ARL14EP: variants seen among roughly 807,000 people sequenced by gnomAD.
ARL14EP encodes the protein ARF like GTPase 14 effector protein.
ARL14EP carries 12 observed loss-of-function variants against 23.1 expected under a neutral mutation model. The ratio of observed to expected loss-of-function variants is 0.52; its 90% CI spans 0.33 to 0.84. ARL14EP has a LOEUF of 0.84. Ranked by LOEUF, ARL14EP falls within the 40% of genes least tolerant of loss-of-function variation. The pLI is 0.02. For missense variants in ARL14EP, 253 were observed against 307.3 expected (o/e 0.82, Z 1.32); for synonymous variants, 97 against 102.0 (o/e 0.95, Z 0.29).
At chr11:30,327,943 TCTA>T (rs1165582625) in intron 1 of ARL14EP, 1 of 114,676 alleles carries the variant, frequency 8.7e-6, no homozygotes, top group African/African-American at 2.9e-5. Flanking sequence ...GCCACTGCAC[TCTA>T]GCCTGGGCGA....
At chr11:30,334,208 C>CTTTTTTTTTTTTTTTTTTTTTTTTTTTTT (rs36111177) in intron 3 of ARL14EP, among the ~76,000 whole-genome samples, 18 of 86,038 alleles carry the variant, frequency 2.1e-4, no homozygotes, top group South Asian at 9.6e-4. Flanking sequence ...GACCAGCCTT[C>CTTTTTTTTTTTTTTTTTTTTTTTTTTTTT]TTTTTTTTTT....
intron 2 of ARL14EP, among the ~76,000 whole-genome samples, chr11:30,332,282 A>G (rs1947291592): frequency 6.6e-6 from 1 of 150,930 alleles, no homozygotes; most frequent in Admixed American, 6.7e-5. Context: ...TGTAGTTCAT[A>G]CTAGATACTT....
At chr11:30,330,452 G>C (rs998950986) in intron 1 of ARL14EP, 1 of 156,010 alleles carries the variant, frequency 6.4e-6, no homozygotes, top group African/African-American at 2.4e-5. Context: ...ATTTATTTAG[G>C]GTACCGTTTT....
In ARL14EP at chr11:30,334,208, C is replaced by T. The variant is rs373639530; in HGVS notation, c.554+1215C>T. The stretch of plus-strand genomic sequence containing the variant: ...CAGATTTTCAATGTAGACCAGCCTT[C>T]TTTTTTTTTTTTTTTTTTTTTTTTT... On this transcript the variant is annotated intron_variant, in intron 3 of 3. Coordinates refer to ENST00000282032, the MANE Select transcript of ARL14EP (RefSeq NM_152316.3). 1.7e-4 allele frequency among the ~76,000 whole-genome samples: 15 copies of T among 86,032 alleles called. No individual in the cohort carries two copies. The East Asian group carries it at 2.2e-3, about 13-fold the overall frequency. The allele number at this position is 86,032 out of a possible 152,430, so 56.4% of individuals were successfully genotyped here.
chr11:30,328,688 G>T (rs1947260817), intron 1 of ARL14EP: 3 of 151,794 alleles, frequency 2.0e-5, no homozygotes, highest in Admixed American at 2.0e-4. Flanking sequence ...GCCATTTTTT[G>T]TTACCTGAGG....
intron 1 of ARL14EP, among the ~76,000 whole-genome samples, chr11:30,326,856 G>C (rs191090573): frequency 1.3e-5 from 2 of 152,072 alleles, no homozygotes; most frequent in Non-Finnish European, 2.9e-5. Flanking sequence ...ACTCAAGTGA[G>C]TGGGATTAGT....
intron 3 of ARL14EP, among the ~76,000 whole-genome samples, chr11:30,335,124 G>T (rs1314674234): frequency 6.6e-6 from 1 of 152,206 alleles, no homozygotes; most frequent in African/African-American, 2.4e-5. Flanking sequence ...ACTTTGAGGG[G>T]TTCAGGACTT....
Position 30,330,940 on chromosome 11 carries a change from G to T in ARL14EP, c.-9G>T. ...ACAAAATAAAACGGAAAATTTGCTAGAATCAAGAATGATGGATCCATGTTC... is the reference window on the plus strand; with the variant it reads ...ACAAAATAAAACGGAAAATTTGCTATAATCAAGAATGATGGATCCATGTTC... On this transcript the variant is annotated 5_prime_UTR_variant, in exon 2 of 4. Transcript: ENST00000282032. 1 of 1,613,250 alleles carries T rather than the reference G, an allele frequency of 6.2e-7. No individual in the cohort carries two copies. Among genetic ancestry groups the T allele is most frequent in the South Asian group, 1.1e-5 (1 of 91,012 alleles).
chr11:30,331,126 C>T lies in ARL14EP; in HGVS notation c.178C>T (p.His60Tyr). The T allele has an allele frequency of 6.2e-7, 1 of 1,613,890 alleles. No homozygotes were observed. Among genetic ancestry groups the T allele is most frequent in the Non-Finnish European group, 8.5e-7 (1 of 1,179,812 alleles). Reference sequence around the variant, plus strand: ...TGGGAACAATACAATTTGCTTTCATCATGTAAAAATTTACATTGACAGATT... The same window carrying T: ...TGGGAACAATACAATTTGCTTTCATTATGTAAAAATTTACATTGACAGATT... ...LSGNNTICFH[H>Y]VKIYIDRFED... The change falls in exon 2 of 4, where the codon CAT (histidine) becomes TAT (tyrosine). Residue 60 changes from histidine to tyrosine, a missense_variant. His to Tyr is a moderately conservative substitution (Grantham distance 83). Transcript: ENST00000282032.
chr11:30,324,627 G>T (rs189707593), intron 1 of ARL14EP, among the ~76,000 whole-genome samples: 1 of 152,112 alleles, frequency 6.6e-6, no homozygotes, highest in African/African-American at 2.4e-5. Flanking sequence ...ATGGCCGCGT[G>T]TGAGTTTTCT....
At chr11:30,334,726 A>G (rs998481431) in intron 3 of ARL14EP, among the ~76,000 whole-genome samples, 1 of 152,192 alleles carries the variant, frequency 6.6e-6, no homozygotes, top group Admixed American at 6.5e-5. Flanking sequence ...TATAAATGGG[A>G]CAAAGCCTGA....
intron 2 of ARL14EP, chr11:30,331,583 A>G: frequency 7.1e-7 from 1 of 1,412,530 alleles, no homozygotes; most frequent in Non-Finnish European, 9.2e-7. Flanking sequence ...CTGGGAAAGT[A>G]ATAATAAAAT....
chr11:30,329,561 G>C (rs1412399990), intron 1 of ARL14EP: 1 of 152,134 alleles, frequency 6.6e-6, no homozygotes, highest in Non-Finnish European at 1.5e-5. Flanking sequence ...TCCTACCAAA[G>C]TTATTATAAG....
At chr11:30,325,490 G>A (rs1044550272) in intron 1 of ARL14EP, among the ~76,000 whole-genome samples, 1 of 152,070 alleles carries the variant, frequency 6.6e-6, no homozygotes, top group Non-Finnish European at 1.5e-5. Context: ...AATTCAACTT[G>A]CCAAAAAGTG....
At chr11:30,330,364 A>G (rs1217853451) in intron 1 of ARL14EP, 1 of 152,556 alleles carries the variant, frequency 6.6e-6, no homozygotes, top group Non-Finnish European at 1.5e-5. Flanking sequence ...TTTGATTGTA[A>G]CAGAACTGAA....
intron 1 of ARL14EP, 167 bp from the exon 2 acceptor site, chr11:30,330,719 C>T (rs1168262542): frequency 3.4e-5 from 16 of 475,338 alleles, no homozygotes; most frequent in Admixed American, 3.4e-4. Context: ...TCTGACTTTA[C>T]AGGGAACGCT....
chr11:30,326,762 G>A (rs959781104), intron 1 of ARL14EP, among the ~76,000 whole-genome samples: 1 of 152,150 alleles, frequency 6.6e-6, no homozygotes, highest in Non-Finnish European at 1.5e-5. Flanking sequence ...CTGCCTAATC[G>A]TAGATCAGAA....
chr11:30,323,549 C>T (rs1013146148), intron 1 of ARL14EP, among the ~76,000 whole-genome samples: 8 of 152,194 alleles, frequency 5.3e-5, no homozygotes, highest in African/African-American at 7.2e-5. Context: ...CAGCCTTTAT[C>T]TCTGCTATTT....
chr11:30,335,884 G>A (rs536217529), intron 3 of ARL14EP, among the ~76,000 whole-genome samples: 1 of 152,004 alleles, frequency 6.6e-6, no homozygotes, highest in South Asian at 2.1e-4. Flanking sequence ...CGTTCTATGG[G>A]TAGCAGCTAA....
Sources: allele counts gnomAD v4.1 joint callset (sites outside exome capture counted in the v4.1 genomes callset), GRCh38; gene constraint gnomAD v4.1.1; transcripts MANE v1.5; gene names NCBI Gene and HGNC (gene_info 2026-07-23, HGNC 2026-07-21).